ARHGAP26: variants seen among roughly 807,000 people sequenced by gnomAD.
ARHGAP26 encodes Rho GTPase activating protein 26.
A neutral mutation model predicts 104.8 loss-of-function variants in ARHGAP26; 38 were observed. That is an observed-to-expected ratio of 0.36 (90% CI 0.28 to 0.48). The LOEUF (loss-of-function observed/expected upper bound fraction) is 0.48. ARHGAP26 is among the 20% of genes least tolerant of loss of function. ARHGAP26 has a pLI of 0.99. For synonymous variants in ARHGAP26, 341 were observed against 340.0 expected, an observed-to-expected ratio of 1.00 and a Z score of -0.03; for missense variants, 704 against 947.9, an observed-to-expected ratio of 0.74 and a Z score of 3.38.
rs57549608 is a variant in ARHGAP26, at chr5:142,898,618, T to TTC, written c.598-3303_598-3302dup. Among the ~76,000 whole-genome samples, 1,496 of 151,426 alleles carry TTC rather than the reference T, an allele frequency of 9.9e-3. 141 individuals carry two copies. In the East Asian group the frequency reaches 0.22, roughly 22 times the overall value. On this transcript the variant is annotated intron_variant, in intron 6 of 22. Transcript: ENST00000645722. ...TGCACCTTCTAACACGTCAGTCTGATTCTCTCTCTCTCTCTTTTGCCAAGA... is the reference window on the plus strand; with the variant it reads ...TGCACCTTCTAACACGTCAGTCTGATTCTCTCTCTCTCTCTCTTTTGCCAAGA...
intron 17 of ARHGAP26, among the ~76,000 whole-genome samples, chr5:143,096,649 TTAA>T (rs933555233): frequency 6.6e-6 from 1 of 152,148 alleles, no homozygotes; most frequent in African/African-American, 2.4e-5. Flanking sequence ...TTAAATAAAA[TTAA>T]TAATTTTGCT....
chr5:142,963,198 ATGTGTGTG>A (rs1217350223), intron 11 of ARHGAP26, among the ~76,000 whole-genome samples: 10 of 98,356 alleles, frequency 1.0e-4, no homozygotes, highest in Admixed American at 9.6e-4. Context: ...ATATATATAT[ATGTGTGTG>A]TGTGTGTGTG....
chr5:143,156,624 C>T (rs148610029), intron 20 of ARHGAP26, among the ~76,000 whole-genome samples: 3 of 152,318 alleles, frequency 2.0e-5, no homozygotes, highest in African/African-American at 7.2e-5. Flanking sequence ...GCATAGTGAT[C>T]TAGTGCGTTA....
chr5:142,999,154 G>A (rs906542116), intron 11 of ARHGAP26, among the ~76,000 whole-genome samples: 7 of 152,166 alleles, frequency 4.6e-5, no homozygotes, highest in Admixed American at 4.6e-4. Flanking sequence ...ACAGAGAGAC[G>A]AAGAGGTTTG....
chr5:143,109,247 C>T (rs190322016), intron 17 of ARHGAP26, among the ~76,000 whole-genome samples: 5 of 152,132 alleles, frequency 3.3e-5, no homozygotes, highest in Admixed American at 6.5e-5. Flanking sequence ...GTAGAGGTCT[C>T]CAGCACAATG....
chr5:143,055,366 T>G (rs575025896), intron 15 of ARHGAP26, among the ~76,000 whole-genome samples: 1 of 152,320 alleles, frequency 6.6e-6, no homozygotes, highest in South Asian at 2.1e-4. Flanking sequence ...AGATATAATG[T>G]AAGTGTTAAC....
intron 12 of ARHGAP26, among the ~76,000 whole-genome samples, chr5:143,033,321 G>A (rs1433412087): frequency 6.6e-6 from 1 of 152,236 alleles, no homozygotes; most frequent in African/African-American, 2.4e-5. Flanking sequence ...TACTCAGATT[G>A]AATGTGGAGG....
intron 20 of ARHGAP26, among the ~76,000 whole-genome samples, chr5:143,198,797 T>G (rs1807252077): frequency 6.6e-6 from 1 of 152,214 alleles, no homozygotes; most frequent in Non-Finnish European, 1.5e-5. Flanking sequence ...CTTCAGAAAT[T>G]ATTTTATTTG....
intron 11 of ARHGAP26, among the ~76,000 whole-genome samples, chr5:142,944,932 C>G (rs546304255): frequency 6.6e-6 from 1 of 152,150 alleles, no homozygotes; most frequent in Admixed American, 6.5e-5. Context: ...AGCGCCGCCC[C>G]CTCCCCAACC....
intron 18 of ARHGAP26, among the ~76,000 whole-genome samples, chr5:143,126,084 A>C (rs1171649367): frequency 6.6e-6 from 1 of 152,224 alleles, no homozygotes; most frequent in African/African-American, 2.4e-5. Flanking sequence ...GATAGAACTA[A>C]CTATAATACA....
intron 17 of ARHGAP26, among the ~76,000 whole-genome samples, chr5:143,105,123 C>G (rs1384113536): frequency 6.6e-6 from 1 of 152,098 alleles, no homozygotes; most frequent in Non-Finnish European, 1.5e-5. Context: ...TGCCTATAAT[C>G]CCAGCACTTT....
At chr5:143,094,337 G>C (rs921425674) in intron 17 of ARHGAP26, among the ~76,000 whole-genome samples, 1 of 152,172 alleles carries the variant, frequency 6.6e-6, no homozygotes, top group Non-Finnish European at 1.5e-5. Flanking sequence ...TAGGTTGCTG[G>C]TCAGTTTCTT....
At chr5:143,200,120 G>C (rs2151306982) in intron 20 of ARHGAP26, among the ~76,000 whole-genome samples, 1 of 152,300 alleles carries the variant, frequency 6.6e-6, no homozygotes, top group Non-Finnish European at 1.5e-5. Context: ...GGAAAGCAAA[G>C]AGTCCAGGGT....
chr5:143,205,216 G>A (rs1240931205), intron 20 of ARHGAP26, among the ~76,000 whole-genome samples: 5 of 151,880 alleles, frequency 3.3e-5, no homozygotes, highest in South Asian at 2.1e-4. Context: ...TAAATCTGTC[G>A]CTTCTTGTCA....
intron 20 of ARHGAP26, among the ~76,000 whole-genome samples, chr5:143,178,567 C>T (rs1022793201): frequency 6.6e-6 from 1 of 152,188 alleles, no homozygotes; most frequent in African/African-American, 2.4e-5. Flanking sequence ...GCTGCCCTGC[C>T]CCTTGACTGG....
At position 143,045,514 on chromosome 5, in the gene ARHGAP26, C is replaced by A. The variant is rs552941210; in HGVS notation, c.1285+3624C>A. On this transcript the variant is annotated intron_variant, in intron 14 of 22. Coordinates refer to ENST00000645722, the MANE Select transcript of ARHGAP26 (RefSeq NM_001135608.3). ...TTGGTACTGGTAGTGTCTGGGCTAG[C>A]CAAGAGTATAAAATAAACATGGCAC... Among the ~76,000 whole-genome samples the A allele has an allele frequency of 9.2e-5, 14 of 152,302 alleles. No individual in the cohort carries two copies. In the South Asian group the frequency reaches 2.9e-3, roughly 32 times the overall value.
At chr5:143,113,604 A>T (rs1795040882) in intron 17 of ARHGAP26, among the ~76,000 whole-genome samples, 1 of 152,218 alleles carries the variant, frequency 6.6e-6, no homozygotes, top group African/African-American at 2.4e-5. Flanking sequence ...TATAAATGGA[A>T]TGCCATCATA....
intron 1 of ARHGAP26, among the ~76,000 whole-genome samples, chr5:142,787,565 A>G (rs1222879536): frequency 6.6e-6 from 1 of 152,220 alleles, no homozygotes; most frequent in East Asian, 1.9e-4. Flanking sequence ...CCAAGCCCAC[A>G]GCTGACAAAG....
chr5:142,922,617 A>T (rs1484709541), intron 10 of ARHGAP26, among the ~76,000 whole-genome samples: 2 of 152,120 alleles, frequency 1.3e-5, no homozygotes, highest in African/African-American at 4.8e-5. Flanking sequence ...CTGTTTAAAC[A>T]TTACCCTTTA....
Sources: allele counts gnomAD v4.1 joint callset (sites outside exome capture counted in the v4.1 genomes callset), GRCh38; gene constraint gnomAD v4.1.1; transcripts MANE v1.5; gene names NCBI Gene and HGNC (gene_info 2026-07-23, HGNC 2026-07-21).